Variants in PPIH observed in about 807,000 individuals in gnomAD.
The protein encoded by PPIH is peptidylprolyl isomerase H.
PPIH carries 16 observed loss-of-function variants against 27.6 expected under a neutral mutation model. That is an observed-to-expected ratio of 0.58 (90% CI 0.39 to 0.88). PPIH has a LOEUF of 0.88. Among genes scored for constraint, PPIH ranks in the 40% least tolerant of loss-of-function variants. The pLI, the probability that PPIH is intolerant of heterozygous loss-of-function variation, is 0.00. For synonymous variants in PPIH, 63 were observed against 76.1 expected, an observed-to-expected ratio of 0.83 and a Z score of 0.90; for missense variants, 155 against 224.1, an observed-to-expected ratio of 0.69 and a Z score of 1.97.
chr1:42,663,001 G>A (rs1002586482), intron 5 of PPIH, among the ~76,000 whole-genome samples: 6 of 152,214 alleles, frequency 3.9e-5, no homozygotes, highest in South Asian at 2.1e-4. Flanking sequence ...ATTCACTATA[G>A]TTGAAGATAA....
At chr1:42,678,994 A>G (rs1445118989), downstream of PPIH, 1 of 152,270 alleles carries the variant, frequency 6.6e-6, no homozygotes, top group Non-Finnish European at 1.5e-5. Context: ...GTTATTTTGC[A>G]GAGAAGATTC....
chr1:42,678,826 G>A (rs1649959279), downstream of PPIH: 2 of 151,914 alleles, frequency 1.3e-5, no homozygotes, highest in Non-Finnish European at 2.9e-5. Flanking sequence ...GAGGAAGAGG[G>A]AAAAAAAACG....
chr1:42,664,797 GTTC>G (rs1456120533), intron 5 of PPIH, 63 bp from the exon 6 acceptor site: 1 of 1,284,842 alleles, frequency 7.8e-7, no homozygotes, highest in Non-Finnish European at 1.1e-6. Flanking sequence ...GTGCGACAGT[GTTC>G]TTCCTCCGGT....
intron 9 of PPIH, among the ~76,000 whole-genome samples, chr1:42,672,065 A>G (rs1312859229): frequency 2.0e-5 from 3 of 151,924 alleles, no homozygotes; most frequent in African/African-American, 7.3e-5. Context: ...TGTATTTTTT[A>G]GTAGAGACAG....
intron 9 of PPIH, among the ~76,000 whole-genome samples, chr1:42,675,719 C>T (rs759496547): frequency 2.0e-5 from 3 of 152,196 alleles, no homozygotes; most frequent in Non-Finnish European, 4.4e-5. Context: ...GGTGTACTTA[C>T]TCTGTTCTCT....
At chr1:42,681,235 C>G (rs1650009428), downstream of PPIH, 2 of 152,212 alleles carry the variant, frequency 1.3e-5, no homozygotes, top group South Asian at 4.2e-4. Flanking sequence ...CTGCCCACCT[C>G]TGCAACCCAA....
chr1:42,668,549 C>T (rs1649467192), intron 9 of PPIH, among the ~76,000 whole-genome samples: 1 of 152,176 alleles, frequency 6.6e-6, no homozygotes, highest in African/African-American at 2.4e-5. Flanking sequence ...AGTACATTTT[C>T]AAACCTCCCC....
intron 4 of PPIH, among the ~76,000 whole-genome samples, chr1:42,660,352 T>C (rs576642871): frequency 2.6e-5 from 4 of 152,228 alleles, no homozygotes; most frequent in Non-Finnish European, 4.4e-5. Flanking sequence ...CCCTAATTTA[T>C]AACGAAAATC....
intron 5 of PPIH, among the ~76,000 whole-genome samples, chr1:42,662,514 A>AT (rs1193991795): frequency 6.6e-6 from 1 of 151,858 alleles, no homozygotes; most frequent in Non-Finnish European, 1.5e-5. Flanking sequence ...TGTTCATACC[A>AT]CTGCACTCCA....
intron 4 of PPIH, 132 bp downstream of exon 4, chr1:42,659,698 A>G: frequency 1.5e-6 from 2 of 1,367,444 alleles, no homozygotes; most frequent in Admixed American, 2.8e-5. Flanking sequence ...GGACTCAACA[A>G]CTGAAGATTT....
At chr1:42,675,222 C>T (rs1304960152) in intron 9 of PPIH, 1 of 152,210 alleles carries the variant, frequency 6.6e-6, no homozygotes, top group Non-Finnish European at 1.5e-5. Flanking sequence ...CTACCTTGAA[C>T]ATGTATCTTG....
chr1:42,659,723 C>G (rs1379058598), intron 4 of PPIH, among the ~76,000 whole-genome samples, 157 bp downstream of exon 4: 1 of 152,190 alleles, frequency 6.6e-6, no homozygotes, highest in Non-Finnish European at 1.5e-5. Flanking sequence ...AATGTTCTAA[C>G]TCTACTTACA....
chr1:42,662,358 TAAGACCCTGTC>T (rs1649085080), intron 5 of PPIH, among the ~76,000 whole-genome samples: 2 of 152,214 alleles, frequency 1.3e-5, no homozygotes, highest in Non-Finnish European at 2.9e-5. Flanking sequence ...GGCAACATAG[TAAGACCCTGTC>T]TCTACAAAAA....
intron 5 of PPIH, among the ~76,000 whole-genome samples, chr1:42,663,434 T>C (rs1387736464): frequency 6.6e-6 from 1 of 152,052 alleles, no homozygotes; most frequent in African/African-American, 2.4e-5. Context: ...TCTCGCTCTG[T>C]CGCCCAGGCT....
chr1:42,673,922 CTG>C (rs1327835267), intron 9 of PPIH, among the ~76,000 whole-genome samples: 7 of 152,242 alleles, frequency 4.6e-5, no homozygotes, highest in Non-Finnish European at 7.3e-5. Flanking sequence ...TTAGGAAACA[CTG>C]TGTTTCATTC....
chr1:42,660,799 T>TAACAACATCTATGTTTTTCTA (rs1648967081), intron 4 of PPIH, 63 bp from the exon 5 acceptor site: 2 of 1,344,576 alleles, frequency 1.5e-6, no homozygotes, highest in Non-Finnish European at 2.1e-6. Context: ...AATACAATAA[T>TAACAACATCTATGTTTTTCTA]AACAACATCT....
At chr1:42,667,915 T>C (rs1433041598) in intron 9 of PPIH, among the ~76,000 whole-genome samples, 1 of 152,234 alleles carries the variant, frequency 6.6e-6, no homozygotes, top group Non-Finnish European at 1.5e-5. Flanking sequence ...GCTGGCCTCA[T>C]AGGTGAATGC....
intron 9 of PPIH, among the ~76,000 whole-genome samples, chr1:42,668,981 G>A (rs1196859137): frequency 6.6e-6 from 1 of 151,984 alleles, no homozygotes; most frequent in Non-Finnish European, 1.5e-5. Context: ...AGGCCAAGGA[G>A]GGCAGATAGC....
Position 42,658,875 on chromosome 1 carries a change from C to T in PPIH, c.98C>T (p.Ala33Val). ...GGCCGCATGAAGATCGAGCTCTTTG[C>T]AGACGTTGTGCCTAAGACGGCCGAG... is the stretch of plus-strand genomic sequence containing the variant. ...EVGRMKIELF[A>V]DVVPKTAENF... The change falls in exon 2 of 10, where the codon GCA becomes GTA. Residue 33 changes from alanine (A) to valine (V), a missense_variant. Physicochemically the swap from Ala to Val is moderately conservative, Grantham distance 64. Transcript: ENST00000304979. The T allele has an allele frequency of 6.2e-7, 1 of 1,614,260 alleles. No homozygotes were observed. The highest frequency in any genetic ancestry group is 8.5e-7 in the Non-Finnish European group (1 of 1,180,044).
Sources: allele counts gnomAD v4.1 joint callset (sites outside exome capture counted in the v4.1 genomes callset), GRCh38; gene constraint gnomAD v4.1.1; transcripts MANE v1.5; gene names NCBI Gene and HGNC (gene_info 2026-07-23, HGNC 2026-07-21).